GRIN1: variants seen among roughly 807,000 people sequenced by gnomAD.
GRIN1 encodes glutamate ionotropic receptor NMDA type subunit 1.
A neutral mutation model predicts 103.0 loss-of-function variants in GRIN1; 38 were observed. The ratio of observed to expected loss-of-function variants is 0.37; its 90% CI spans 0.28 to 0.48. GRIN1 has a LOEUF of 0.48. Among genes scored for constraint, GRIN1 ranks in the 20% least tolerant of loss-of-function variants. The probability of loss-of-function intolerance (pLI) is 0.98; values close to 1 mark genes in which losing one functional copy is unlikely to be tolerated. For synonymous variants in GRIN1, 544 were observed against 532.7 expected, an observed-to-expected ratio of 1.02 and a Z score of -0.29; for missense variants, 577 against 1,288.9, an observed-to-expected ratio of 0.45 and a Z score of 8.46.
At chr9:137,164,312 C>G (rs534856127) in intron 18 of GRIN1, 6 of 321,086 alleles carry the variant, frequency 1.9e-5, no homozygotes, top group African/African-American at 1.3e-4. Flanking sequence ...AGACCCCCCC[C>G]TTTCCTGCTA....
chr9:137,164,836 G>A (rs1833778300), intron 18 of GRIN1: 2 of 355,832 alleles, frequency 5.6e-6, no homozygotes, highest in Non-Finnish European at 1.1e-5. Context: ...CAGACAGCTG[G>A]TGTGGCCTGA....
chr9:137,148,865 G>A, intron 3 of GRIN1, 144 bp from the exon 4 acceptor site: 2 of 695,674 alleles, frequency 2.9e-6, no homozygotes, highest in South Asian at 1.5e-5. Flanking sequence ...AGGAAGGCAG[G>A]CGGAGGCGCA....
chr9:137,154,122 C>CT (rs1237607274), intron 4 of GRIN1, among the ~76,000 whole-genome samples: 290 of 129,704 alleles, frequency 2.2e-3, no homozygotes, highest in African/African-American at 3.8e-3. Context: ...TTTTTTTTTT[C>CT]TTTTTTTTTT....
chr9:137,159,836 C>A (rs1012871577), intron 8 of GRIN1, among the ~76,000 whole-genome samples: 1 of 152,228 alleles, frequency 6.6e-6, no homozygotes, highest in Admixed American at 6.5e-5. Flanking sequence ...CTGCCCCCCT[C>A]TCAGGCTCAC....
At chr9:137,160,998 T>C in intron 8 of GRIN1, 58 bp from the exon 9 acceptor site, 3 of 1,609,762 alleles carry the variant, frequency 1.9e-6, no homozygotes, top group Non-Finnish European at 2.5e-6. Context: ...GAGAAGAGAC[T>C]GCCGCCCTGG....
At chr9:137,164,341 C>A in intron 18 of GRIN1, 1 of 284,824 alleles carries the variant, frequency 3.5e-6, no homozygotes, top group Non-Finnish European at 6.9e-6. Flanking sequence ...TGCTCCGTGA[C>A]TCTAATCCGA....
intron 3 of GRIN1, among the ~76,000 whole-genome samples, chr9:137,148,769 G>C (rs917819349): frequency 2.0e-5 from 3 of 152,262 alleles, no homozygotes; most frequent in African/African-American, 7.2e-5. Flanking sequence ...AGAGAGAGCA[G>C]AGAGAGCACA....
intron 1 of GRIN1, 104 bp from the exon 2 acceptor site, chr9:137,141,909 C>G (rs1832191069): frequency 2.4e-6 from 3 of 1,228,742 alleles, no homozygotes; most frequent in African/African-American, 3.0e-5. Context: ...CCCCAGCCCC[C>G]CTTAGCCTGC....
chr9:137,139,425 CG>C lies in GRIN1; in HGVS notation c.-57del. On this transcript the variant is annotated 5_prime_UTR_variant, in exon 1 of 20. Coordinates refer to ENST00000371561, the MANE Select transcript of GRIN1 (RefSeq NM_007327.4). This position sits in a 1 kb window ranked among gnomAD's most constrained non-coding sequence, Gnocchi z 7.7. ...AGCGCAGGACGGCCCGGAAGCCCCG[CG>C]GGGGATGCGCCGAGGGCCCCGCGTT... The C allele has an allele frequency of 7.7e-7, 1 of 1,292,814 alleles. No individual in the cohort carries two copies. Among genetic ancestry groups the C allele is most frequent in the Non-Finnish European group, 1.0e-6 (1 of 1,003,736 alleles). 80.1% of individuals were successfully genotyped at this position (1,292,814 alleles called of 1,614,324 possible). A position where few individuals can be genotyped will look rare whatever the true frequency, so the allele number is the denominator to read the frequency against.
At chr9:137,163,456 C>A in intron 16 of GRIN1, 103 bp from the exon 17 acceptor site, 1 of 1,413,016 alleles carries the variant, frequency 7.1e-7, no homozygotes, top group Admixed American at 1.7e-5. Context: ...GCCCACTCCA[C>A]GCCGCACCCT....
At chr9:137,154,557 G>A (rs576852549) in intron 4 of GRIN1, among the ~76,000 whole-genome samples, 1 of 140,606 alleles carries the variant, frequency 7.1e-6, no homozygotes, top group Non-Finnish European at 1.5e-5. Context: ...AGATTCAACC[G>A]ATTCTCCTGC....
At chr9:137,164,924 G>A (rs1833784083) in intron 18 of GRIN1, 5 of 486,206 alleles carry the variant, frequency 1.0e-5, no homozygotes, top group South Asian at 1.0e-4. Context: ...GAGCCAGGGA[G>A]CCAGGCGGAC....
intron 19 of GRIN1, among the ~76,000 whole-genome samples, chr9:137,166,876 G>A (rs1411756083): frequency 1.3e-5 from 2 of 152,228 alleles, no homozygotes; most frequent in East Asian, 1.9e-4. Context: ...GGGGTGTCCA[G>A]GCAGACAGGA....
Position 137,158,456 on chromosome 9 carries a change from C to G in GRIN1, c.1046C>G (p.Ala349Gly). The part of the protein sequence containing the change: ...EFNEDGDRKF[A>G]NYSIMNLQNR... ...AATGAGGATGGGGACCGGAAGTTCGCCAACTACAGCATCATGAACCTGCAG... is the reference window on the plus strand; with the variant it reads ...AATGAGGATGGGGACCGGAAGTTCGGCAACTACAGCATCATGAACCTGCAG... The change falls in exon 7 of 20, where the codon GCC becomes GGC. Residue 349 changes from alanine (A) to glycine (G), a missense_variant. By Grantham distance (60) the Ala-to-Gly change is moderately conservative (BLOSUM62 0). This residue lies in a region of GRIN1 where 308 missense variants were observed against 553.6 expected (regional missense o/e 0.56). Transcript: ENST00000371561. 1 of 1,613,552 alleles carries G rather than the reference C, an allele frequency of 6.2e-7. No homozygotes were observed. The highest frequency in any genetic ancestry group is 8.5e-7 in the Non-Finnish European group (1 of 1,179,966).
intron 3 of GRIN1, among the ~76,000 whole-genome samples, chr9:137,147,652 T>C (rs2131226564): frequency 6.6e-6 from 1 of 152,330 alleles, no homozygotes; most frequent in African/African-American, 2.4e-5. Flanking sequence ...TGGGCGCATA[T>C]GCGAGCCGAA....
At position 137,149,114 on chromosome 9, in the gene GRIN1, G is replaced by A. The variant is rs922811667; in HGVS notation, c.671+5G>A. The A allele has an allele frequency of 6.3e-7, 1 of 1,576,774 alleles. No individual in the cohort carries two copies. The highest frequency in any genetic ancestry group is 8.7e-7 in the Non-Finnish European group (1 of 1,151,926). Reference sequence around the variant, plus strand: ...GGTCATCATCCTTTCTGCCAGGTGAGGCTGGGCAGGGCCCTACACACTCCA... The same window carrying A: ...GGTCATCATCCTTTCTGCCAGGTGAAGCTGGGCAGGGCCCTACACACTCCA... On this transcript the variant is annotated splice_donor_5th_base_variant and intron_variant, in intron 4 of 19. Transcript: ENST00000371561.
chr9:137,150,859 C>G (rs1832823904), intron 4 of GRIN1, among the ~76,000 whole-genome samples: 1 of 142,054 alleles, frequency 7.0e-6, no homozygotes, highest in Non-Finnish European at 1.5e-5. Context: ...GATAAAAGCT[C>G]AGCCCAGGGA....
intron 3 of GRIN1, 79 bp from the exon 4 acceptor site, chr9:137,148,930 G>A (rs1238548999): frequency 8.6e-6 from 9 of 1,048,364 alleles, no homozygotes; most frequent in South Asian, 1.3e-5. Context: ...GGTTCCCAGC[G>A]GCTCCGGCCC....
Position 137,156,996 on chromosome 9 carries a change from G to A in GRIN1, c.927G>A (p.Val309=). 1 of 1,612,276 alleles carries A rather than the reference G, an allele frequency of 6.2e-7. No individual in the cohort carries two copies. Among genetic ancestry groups the A allele is most frequent in the Admixed American group, 1.7e-5 (1 of 59,992 alleles). The change falls in exon 6 of 20, where the codon GTG becomes GTA. Residue 309 remains valine (V), a synonymous_variant. Transcript: ENST00000371561. ...ENITDPPRGC[V]GNTNIWKTGP... is the part of the protein sequence containing the mutation. ...TCACCGACCCGCCGCGGGGCTGCGT[G>A]GGCAACACCAACATCTGGAAGACCG...
Sources: allele counts gnomAD v4.1 joint callset (sites outside exome capture counted in the v4.1 genomes callset), GRCh38; gene constraint gnomAD v4.1.1; regional missense constraint gnomAD v4.1.1; non-coding constraint Gnocchi (gnomAD v3.1); transcripts MANE v1.5; gene names NCBI Gene and HGNC (gene_info 2026-07-23, HGNC 2026-07-21).